Variants in ANO3 observed in about 807,000 individuals in gnomAD.
ANO3 encodes anoctamin 3.
A neutral mutation model predicts 144.8 loss-of-function variants in ANO3; 99 were observed. That is an observed-to-expected ratio of 0.68 (90% CI 0.58 to 0.81). The LOEUF (loss-of-function observed/expected upper bound fraction) is 0.81. ANO3 is among the 30% of genes least tolerant of loss of function. The pLI is 0.00. For synonymous variants in ANO3, 414 were observed against 392.6 expected, an observed-to-expected ratio of 1.05 and a Z score of -0.64; for missense variants, 905 against 1,202.2, an observed-to-expected ratio of 0.75 and a Z score of 3.66.
chr11:26,408,360 A>C (rs1334068497), intron 1 of ANO3, among the ~76,000 whole-genome samples: 1 of 152,066 alleles, frequency 6.6e-6, no homozygotes, highest in Non-Finnish European at 1.5e-5. Context: ...TGCAGCCAAA[A>C]AACACATGAA....
intron 1 of ANO3, among the ~76,000 whole-genome samples, chr11:26,404,199 T>G (rs190642999): frequency 4.8e-4 from 73 of 151,864 alleles, no homozygotes; most frequent in African/African-American, 1.7e-3. Context: ...AATGCAAATA[T>G]TTTAATGAAA....
chr11:26,240,826 T>C (rs1257433366), intron 1 of ANO3, among the ~76,000 whole-genome samples: 1 of 152,236 alleles, frequency 6.6e-6, no homozygotes, highest in Non-Finnish European at 1.5e-5. Context: ...GAATATTCTG[T>C]ATGATATTCC....
intron 4 of ANO3, among the ~76,000 whole-genome samples, chr11:26,506,304 C>T (rs1861433891): frequency 6.6e-6 from 1 of 152,140 alleles, no homozygotes; most frequent in Admixed American, 6.5e-5. Flanking sequence ...GCTAAGGTAT[C>T]AACTTGGTCA....
At chr11:26,264,824 C>T (rs923975393) in intron 1 of ANO3, among the ~76,000 whole-genome samples, 11 of 151,904 alleles carry the variant, frequency 7.2e-5, no homozygotes, top group Admixed American at 6.6e-4. Flanking sequence ...TGGATTAAGA[C>T]CCACCCTAAT....
chr11:26,376,297 C>T (rs911810272), intron 1 of ANO3, among the ~76,000 whole-genome samples: 1 of 152,034 alleles, frequency 6.6e-6, no homozygotes, highest in Non-Finnish European at 1.5e-5. Flanking sequence ...TTAACAGACC[C>T]AATTTTGAAA....
intron 1 of ANO3, among the ~76,000 whole-genome samples, chr11:26,339,079 T>G (rs751524036): frequency 6.6e-6 from 1 of 152,058 alleles, no homozygotes; most frequent in Non-Finnish European, 1.5e-5. Flanking sequence ...ATAACTTACA[T>G]GCATTGCAAG....
chr11:26,396,055 G>C (rs1411015214), intron 1 of ANO3, among the ~76,000 whole-genome samples: 1 of 151,936 alleles, frequency 6.6e-6, no homozygotes, highest in Non-Finnish European at 1.5e-5. Context: ...CTGATGCAGG[G>C]CTAATATCCA....
intron 14 of ANO3, chr11:26,567,153 GA>G: frequency 1.2e-5 from 17 of 1,380,466 alleles, no homozygotes; most frequent in Non-Finnish European, 1.6e-5. Context: ...GAAAATGGAA[GA>G]GGCAATATTT....
chr11:26,411,728 A>ATTT (rs35301801), intron 1 of ANO3, among the ~76,000 whole-genome samples: 12 of 149,680 alleles, frequency 8.0e-5, no homozygotes, highest in African/African-American at 2.7e-4. Context: ...GAATCCATCC[A>ATTT]TTTTTTTTTT....
intron 6 of ANO3, among the ~76,000 whole-genome samples, chr11:26,517,236 G>T (rs538483461): frequency 6.6e-6 from 1 of 152,078 alleles, no homozygotes; most frequent in African/African-American, 2.4e-5. Flanking sequence ...TGGGTGGGCA[G>T]AACTCTTTTT....
intron 20 of ANO3, among the ~76,000 whole-genome samples, chr11:26,638,912 G>A (rs1331067976): frequency 1.3e-5 from 2 of 152,102 alleles, no homozygotes; most frequent in Non-Finnish European, 1.5e-5. Flanking sequence ...CTCACTAAAA[G>A]TTAGATTTTT....
intron 1 of ANO3, among the ~76,000 whole-genome samples, chr11:26,279,649 C>G (rs1253839763): frequency 6.6e-6 from 1 of 152,122 alleles, no homozygotes; most frequent in Non-Finnish European, 1.5e-5. Context: ...ATCAAGATAG[C>G]CTTGCAAGTA....
intron 14 of ANO3, among the ~76,000 whole-genome samples, chr11:26,574,077 A>G (rs1850924758): frequency 6.6e-6 from 1 of 152,144 alleles, no homozygotes; most frequent in African/African-American, 2.4e-5. Flanking sequence ...TCATCAGCAA[A>G]CCCAGCTGAG....
intron 1 of ANO3, among the ~76,000 whole-genome samples, chr11:26,358,530 T>A (rs531391494): frequency 6.6e-6 from 1 of 151,958 alleles, no homozygotes; most frequent in Non-Finnish European, 1.5e-5. Context: ...CCTATACAGA[T>A]TAATTTGGGA....
At chr11:26,528,508 CTTTG>C (rs1307491228) in intron 7 of ANO3, among the ~76,000 whole-genome samples, 5 of 152,110 alleles carry the variant, frequency 3.3e-5, no homozygotes, top group African/African-American at 1.2e-4. Context: ...CACATTTATA[CTTTG>C]TTTATGATGT....
intron 4 of ANO3, among the ~76,000 whole-genome samples, 173 bp from the exon 5 acceptor site, chr11:26,507,931 G>C (rs906767511): frequency 6.6e-6 from 1 of 152,100 alleles, no homozygotes; most frequent in Non-Finnish European, 1.5e-5. Context: ...CGCTAATGTG[G>C]CTCCTATAGT....
rs1206151874 is a variant in ANO3, at chr11:26,553,362, A to G, written c.1386+17A>G. 1.3e-6 allele frequency: 2 copies of G among 1,557,730 alleles called. No homozygotes were observed. The highest frequency in any genetic ancestry group is 3.4e-5 in the Admixed American group (2 of 59,076). ...TATGCCAAGGTGAGTGTGGACCCTC[A>G]CATTCTCCTCCCTGAGCTGTACTGA... is the stretch of plus-strand genomic sequence containing the variant. On this transcript the variant is annotated intron_variant, in intron 13 of 26. Transcript: ENST00000256737.
intron 1 of ANO3, among the ~76,000 whole-genome samples, chr11:26,213,174 T>C (rs1304729063): frequency 6.6e-6 from 1 of 152,112 alleles, no homozygotes; most frequent in Admixed American, 6.5e-5. Flanking sequence ...ACAGCCAGTA[T>C]CATACTAAAT....
chr11:26,438,059 AG>A (rs1482169879), intron 1 of ANO3, among the ~76,000 whole-genome samples: 1 of 152,168 alleles, frequency 6.6e-6, no homozygotes, highest in Non-Finnish European at 1.5e-5. Context: ...TAAACTGGAA[AG>A]TGAGTAGTAC....
Sources: allele counts gnomAD v4.1 joint callset (sites outside exome capture counted in the v4.1 genomes callset), GRCh38; gene constraint gnomAD v4.1.1; transcripts MANE v1.5; gene names NCBI Gene and HGNC (gene_info 2026-07-23, HGNC 2026-07-21).